Variants in LOC128462377 observed in about 807,000 individuals in gnomAD.
At chr16:89,347,060 G>C in the LOC128462377 span, among the ~76,000 whole-genome samples, 2 of 152,184 alleles carry the variant, frequency 1.3e-5, no homozygotes, top group African/African-American at 4.8e-5. Context: ...TGGGCGAAAG[G>C]CCAGCTAAAG....
At chr16:89,327,049 G>A in the LOC128462377 span, among the ~76,000 whole-genome samples, 4 of 151,720 alleles carry the variant, frequency 2.6e-5, no homozygotes, top group African/African-American at 7.3e-5. Flanking sequence ...GAATGCAGAG[G>A]TGGGAAATGC....
the LOC128462377 span, among the ~76,000 whole-genome samples, chr16:89,321,972 G>C: frequency 1.3e-5 from 2 of 152,312 alleles, no homozygotes; most frequent in African/African-American, 4.8e-5. Context: ...TTCTCCTCAT[G>C]ATCTCAGTAT....
chr16:89,379,780 AAAG>A, the LOC128462377 span, among the ~76,000 whole-genome samples: 1 of 152,400 alleles, frequency 6.6e-6, no homozygotes, highest in East Asian at 1.9e-4. Flanking sequence ...TACAACGGGC[AAAG>A]AAGATGTCAG....
At chr16:89,326,386 C>T in the LOC128462377 span, among the ~76,000 whole-genome samples, 209 of 152,012 alleles carry the variant, frequency 1.4e-3, 2 homozygotes, top group Admixed American at 2.2e-3. Context: ...CCGCCCCCCC[C>T]ACCCCGCTGC....
At chr16:89,352,125 A>C in the LOC128462377 span, among the ~76,000 whole-genome samples, 1 of 152,116 alleles carries the variant, frequency 6.6e-6, no homozygotes, top group Non-Finnish European at 1.5e-5. Context: ...TCCTGACCTC[A>C]AGTGATCCGC....
the LOC128462377 span, among the ~76,000 whole-genome samples, chr16:89,387,589 C>T: frequency 6.7e-6 from 1 of 148,330 alleles, no homozygotes; most frequent in Non-Finnish European, 1.5e-5. Context: ...AGGAGAATGG[C>T]GGGAACCCGG....
At chr16:89,371,435 G>A in the LOC128462377 span, among the ~76,000 whole-genome samples, 1 of 152,210 alleles carries the variant, frequency 6.6e-6, no homozygotes, top group South Asian at 2.1e-4. Flanking sequence ...TCGGTGCATG[G>A]AGGCCAGAGC....
the LOC128462377 span, among the ~76,000 whole-genome samples, chr16:89,410,129 G>A: frequency 5.3e-5 from 8 of 152,144 alleles, no homozygotes; most frequent in Admixed American, 1.3e-4. Flanking sequence ...GTGAGCCACC[G>A]CGTCCAGCCT....
chr16:89,387,106 C>A, the LOC128462377 span, among the ~76,000 whole-genome samples: 4 of 152,074 alleles, frequency 2.6e-5, no homozygotes, highest in African/African-American at 9.7e-5. Context: ...AGGTGTCTGC[C>A]CTGCCAAGAG....
At chr16:89,370,069 C>G in the LOC128462377 span, among the ~76,000 whole-genome samples, 2 of 152,224 alleles carry the variant, frequency 1.3e-5, no homozygotes, top group African/African-American at 2.4e-5. Flanking sequence ...CTTCAGAGCT[C>G]TCACTGAGGA....
the LOC128462377 span, among the ~76,000 whole-genome samples, chr16:89,389,822 T>C: frequency 2.6e-5 from 3 of 117,348 alleles, no homozygotes; most frequent in East Asian, 4.8e-4. Context: ...AGAAGATCAC[T>C]AGGGCAAACA....
the LOC128462377 span, among the ~76,000 whole-genome samples, chr16:89,347,510 C>T: frequency 2.6e-5 from 4 of 150,986 alleles, no homozygotes; most frequent in Non-Finnish European, 5.9e-5. Flanking sequence ...ACTAGGGAGG[C>T]TGAGGCAGGA....
the LOC128462377 span, among the ~76,000 whole-genome samples, chr16:89,361,221 G>C: frequency 4.6e-5 from 7 of 152,328 alleles, no homozygotes; most frequent in East Asian, 1.4e-3. Context: ...AACCCCAGCA[G>C]CACATCCCCC....
At chr16:89,407,715 T>G in the LOC128462377 span, among the ~76,000 whole-genome samples, 1 of 151,946 alleles carries the variant, frequency 6.6e-6, no homozygotes, top group African/African-American at 2.4e-5. Flanking sequence ...CCAGGCATTG[T>G]GGTGTGCCCC....
the LOC128462377 span, chr16:89,370,638 C>CAGGTGA: frequency 2.6e-5 from 4 of 152,484 alleles, no homozygotes; most frequent in African/African-American, 9.6e-5. Context: ...CTAGGACGCC[C>CAGGTGA]AGGTGAGCTC....
the LOC128462377 span, among the ~76,000 whole-genome samples, chr16:89,330,559 T>G: frequency 6.9e-6 from 1 of 144,394 alleles, no homozygotes; most frequent in South Asian, 2.3e-4. Context: ...TGGGGTGGTG[T>G]GGGGGGGAGC....
At chr16:89,319,374 A>C in the LOC128462377 span, among the ~76,000 whole-genome samples, 1 of 152,206 alleles carries the variant, frequency 6.6e-6, no homozygotes, top group Admixed American at 6.5e-5. Context: ...CAGGAGGTGG[A>C]GGAAGTGGGT....
chr16:89,334,144 T>TAAAAAAAAAAAAAAAAAAAAAAAAAAAA, the LOC128462377 span, among the ~76,000 whole-genome samples: 1 of 41,410 alleles, frequency 2.4e-5, no homozygotes, highest in African/African-American at 9.6e-5. Flanking sequence ...CCCTGTGTTT[T>TAAAAAAAAAAAAAAAAAAAAAAAAAAAA]AAAAAAAAAA....
At chr16:89,384,570 TGGGAC>T in the LOC128462377 span, among the ~76,000 whole-genome samples, 1 of 150,298 alleles carries the variant, frequency 6.7e-6, no homozygotes, top group Non-Finnish European at 1.5e-5. Flanking sequence ...TGGGACAGGA[TGGGAC>T]GGGACGGGAT....
Sources: allele counts gnomAD v4.1 joint callset (sites outside exome capture counted in the v4.1 genomes callset), GRCh38; gene constraint gnomAD v4.1.1; transcripts MANE v1.5.